Variants in TRIP12 observed in about 807,000 individuals in gnomAD.
TRIP12 encodes thyroid hormone receptor interactor 12, also known as E3 ubiquitin-protein ligase TRIP12.
Under a neutral mutation model 244.2 loss-of-function variants are expected in TRIP12, and 25 were observed. The ratio of observed to expected loss-of-function variants is 0.10; its 90% CI spans 0.07 to 0.14. TRIP12 has a LOEUF of 0.14. Ranked by LOEUF, TRIP12 falls within the 10% of genes least tolerant of loss-of-function variation. The probability of loss-of-function intolerance (pLI) is 1.00; values close to 1 mark genes in which losing one functional copy is unlikely to be tolerated. For missense variants in TRIP12, 1,677 were observed against 2,486.4 expected, an observed-to-expected ratio of 0.67 and a Z score of 6.92; for synonymous variants, 905 against 873.1, an observed-to-expected ratio of 1.04 and a Z score of -0.64.
rs368552139 is a variant in TRIP12, at chr2:229,918,316, T to C, written c.-50+3564A>G. Among the ~76,000 whole-genome samples, 10 of 152,284 alleles carry C rather than the reference T, an allele frequency of 6.6e-5. 1 individual carries two copies. The East Asian group carries it at 1.4e-3, about 21-fold the overall frequency. On this transcript the variant is annotated intron_variant, in intron 1 of 41. Coordinates refer to ENST00000675903, the MANE Select transcript of TRIP12 (RefSeq NM_001348323.3). ...TTTCAGTGAAGATTAAAAAACCAAG[T>C]AGGTTGCTGTTTTGACTTGAGTCCA...
intron 21 of TRIP12, 72 bp from the exon 22 acceptor site, chr2:229,799,455 A>C: frequency 7.2e-7 from 1 of 1,392,630 alleles, no homozygotes; most frequent in South Asian, 1.2e-5. Context: ...TGAAAAAGCA[A>C]ACTAAAATGG....
intron 33 of TRIP12, among the ~76,000 whole-genome samples, chr2:229,786,832 T>C (rs1414102376): frequency 1.3e-5 from 2 of 152,112 alleles, no homozygotes; most frequent in African/African-American, 2.4e-5. Flanking sequence ...ATGTCTCTTA[T>C]GAAACTTTTG....
chr2:229,906,293 G>A, intron 1 of TRIP12, among the ~76,000 whole-genome samples: 1 of 129,588 alleles, frequency 7.7e-6, no homozygotes, highest in Non-Finnish European at 1.6e-5. Flanking sequence ...CTGACAGAAT[G>A]AGACTGTCTC....
At chr2:229,853,137 C>T (rs1412145577) in intron 4 of TRIP12, among the ~76,000 whole-genome samples, 2 of 152,012 alleles carry the variant, frequency 1.3e-5, no homozygotes, top group Non-Finnish European at 1.5e-5. Flanking sequence ...TAAGTCTTTA[C>T]CTAAGGAAAC....
chr2:229,898,037 G>T (rs920172348), intron 1 of TRIP12, among the ~76,000 whole-genome samples: 1 of 152,172 alleles, frequency 6.6e-6, no homozygotes, highest in African/African-American at 2.4e-5. Context: ...ATTTAATACA[G>T]TCAAATTAGA....
chr2:229,804,257 A>G (rs1185075886), intron 18 of TRIP12, 30 bp from the exon 19 acceptor site: 6 of 1,538,816 alleles, frequency 3.9e-6, no homozygotes, highest in Non-Finnish European at 5.3e-6. Context: ...TATATGTGCA[A>G]TCCTGAAGTG....
At chr2:229,824,151 T>A (rs2154292812) in intron 8 of TRIP12, among the ~76,000 whole-genome samples, 1 of 152,328 alleles carries the variant, frequency 6.6e-6, no homozygotes, top group Middle Eastern at 3.4e-3. Context: ...TCTTGTACTG[T>A]TTGAGATATG....
chr2:229,899,724 T>C (rs1451258706), intron 1 of TRIP12, among the ~76,000 whole-genome samples: 4 of 152,054 alleles, frequency 2.6e-5, no homozygotes, highest in African/African-American at 9.7e-5. Context: ...GAAAATAAGG[T>C]ATTTCCCCAA....
chr2:229,825,889 T>C (rs558666084), intron 8 of TRIP12, among the ~76,000 whole-genome samples: 22 of 152,272 alleles, frequency 1.4e-4, no homozygotes, highest in African/African-American at 4.6e-4. Context: ...AAAGATCCCA[T>C]CATCCAATGC....
chr2:229,804,302 A>C (rs1575236471), intron 18 of TRIP12, 75 bp from the exon 19 acceptor site: 1 of 1,277,270 alleles, frequency 7.8e-7, no homozygotes, highest in East Asian at 2.4e-5. Flanking sequence ...AATATAAAAT[A>C]CTCAAGCCAG....
At chr2:229,833,900 C>T (rs1325924041) in intron 6 of TRIP12, among the ~76,000 whole-genome samples, 3 of 151,784 alleles carry the variant, frequency 2.0e-5, no homozygotes, top group African/African-American at 7.3e-5. Context: ...ACCAGCCAAG[C>T]CTCTGGCTAA....
In TRIP12 at chr2:229,859,275, G is replaced by A; in HGVS notation, c.524C>T (p.Ala175Val). 1 of 1,614,188 alleles carries A rather than the reference G, an allele frequency of 6.2e-7. No homozygotes were observed. Residue 175 changes from alanine to valine, a missense_variant, in exon 4 of 42, where the codon GCT becomes GTT. Ala to Val is a moderately conservative substitution (Grantham distance 64). Coordinates refer to ENST00000675903, the MANE Select transcript of TRIP12 (RefSeq NM_001348323.3). ...KSAQSPSTSK[A>V]HTRKSGATGG... ...AGTGGCCCCACTCTTCCTGGTATGA[G>A]CCTTGCTTGTTGATGGTGATTGTGC...
Position 229,802,365 on chromosome 2 carries a change from G to A in TRIP12, c.3093C>T (p.Ser1031=). 6.2e-7 allele frequency: 1 copy of A among 1,613,806 alleles called. No individual in the cohort carries two copies. The change falls in exon 21 of 42, where the codon TCC becomes TCT. Residue 1031 remains serine (S), a synonymous_variant. Transcript: ENST00000675903. Reference sequence around the variant, plus strand: ...CTGTCCCACTGCTGACTGAAGTTGTGGATCCCATGGATCCCGATCCATTCG... The same window carrying A: ...CTGTCCCACTGCTGACTGAAGTTGTAGATCCCATGGATCCCGATCCATTCG... ...ACTNGSGSMG[S]TTSVSSGTAT...
chr2:229,827,279 C>CAAAAAAAAAAAAAAAAAAAAA (rs944363768), intron 8 of TRIP12, among the ~76,000 whole-genome samples: 1 of 122,296 alleles, frequency 8.2e-6, no homozygotes, highest in South Asian at 2.5e-4. Flanking sequence ...AACTCCGTCT[C>CAAAAAAAAAAAAAAAAAAAAA]AAAAAAAAAA....
intron 2 of TRIP12, among the ~76,000 whole-genome samples, chr2:229,861,377 T>A (rs1321008005): frequency 6.6e-6 from 1 of 152,166 alleles, no homozygotes; most frequent in Non-Finnish European, 1.5e-5. Flanking sequence ...AACAAACACA[T>A]GTTGATATCC....
intron 1 of TRIP12, among the ~76,000 whole-genome samples, chr2:229,897,049 A>G (rs1576843924): frequency 6.6e-6 from 1 of 152,190 alleles, no homozygotes; most frequent in Admixed American, 6.5e-5. Context: ...TCACAGGAAA[A>G]GGCTATGCAT....
chr2:229,813,621 T>C (rs1052270513), intron 13 of TRIP12, among the ~76,000 whole-genome samples: 2 of 151,670 alleles, frequency 1.3e-5, no homozygotes, highest in African/African-American at 2.4e-5. Context: ...CCATCTCTAC[T>C]AAAAATACAA....
At chr2:229,824,156 G>C (rs2050848612) in intron 8 of TRIP12, among the ~76,000 whole-genome samples, 1 of 152,144 alleles carries the variant, frequency 6.6e-6, no homozygotes, top group Non-Finnish European at 1.5e-5. Flanking sequence ...TACTGTTTGA[G>C]ATATGATAAA....
At chr2:229,795,718 T>A (rs1366983501) in intron 25 of TRIP12, among the ~76,000 whole-genome samples, 2 of 152,372 alleles carry the variant, frequency 1.3e-5, no homozygotes, top group Admixed American at 1.3e-4. Flanking sequence ...GCTGGGAATT[T>A]TAATGTACTA....
Sources: allele counts gnomAD v4.1 joint callset (sites outside exome capture counted in the v4.1 genomes callset), GRCh38; gene constraint gnomAD v4.1.1; transcripts MANE v1.5; gene names NCBI Gene and HGNC (gene_info 2026-07-23, HGNC 2026-07-21).